TATDN3: variants seen among roughly 807,000 people sequenced by gnomAD.
TATDN3 encodes the protein TatD DNase domain containing 3, also known as deoxyribonuclease TATDN3.
TATDN3 carries 29 observed loss-of-function variants against 40.1 expected under a neutral mutation model. The observed-to-expected ratio is 0.72, with a 90% CI of 0.54 to 0.99. The LOEUF (loss-of-function observed/expected upper bound fraction) is 0.99. Ranked by LOEUF, TATDN3 falls within the 50% of genes least tolerant of loss-of-function variation. The probability of loss-of-function intolerance (pLI) is 0.00; values close to 1 mark genes in which losing one functional copy is unlikely to be tolerated. For missense variants in TATDN3, 309 were observed against 321.9 expected, an observed-to-expected ratio of 0.96 and a Z score of 0.31; for synonymous variants, 105 against 117.0, an observed-to-expected ratio of 0.90 and a Z score of 0.66.
chr1:212,815,398 C>G lies in TATDN3; in HGVS notation c.*242C>G, dbSNP rs1171828424. ...GTTCTGGCAGGATATTGGGAAAATA[C>G]TGCTACTTCTTACATTGCCCTTTTA... is the stretch of plus-strand genomic sequence containing the variant. On this transcript the variant is annotated 3_prime_UTR_variant, in exon 10 of 10. Transcript: ENST00000366974. The G allele has an allele frequency of 2.4e-6, 1 of 415,734 alleles. No homozygotes were observed. Among genetic ancestry groups the G allele is most frequent in the African/African-American group, 2.0e-5 (1 of 49,118 alleles). The allele number at this position is 415,734 out of a possible 1,614,324, so 25.8% of individuals were successfully genotyped here. A position where few individuals can be genotyped will look rare whatever the true frequency, so the allele number is the denominator to read the frequency against.
Position 212,795,083 on chromosome 1 carries a change from TG to T in TATDN3, c.67-11del. 1 of 1,608,814 alleles carries T rather than the reference TG, an allele frequency of 6.2e-7. No individual in the cohort carries two copies. Among genetic ancestry groups the T allele is most frequent in the African/African-American group, 1.3e-5 (1 of 74,924 alleles). ...CATCTAAAATAATGGTGATTTCTTA[TG>T]CTTGTTTTAGGATTTGGATGATGTG... On this transcript the variant is annotated splice_polypyrimidine_tract_variant and intron_variant, in intron 1 of 9. Coordinates refer to ENST00000366974, the MANE Select transcript of TATDN3 (RefSeq NM_001042552.3).
intron 7 of TATDN3, among the ~76,000 whole-genome samples, chr1:212,806,584 C>T (rs1662482712): frequency 6.7e-6 from 1 of 150,120 alleles, no homozygotes. Flanking sequence ...ACCATGTTGC[C>T]CAGGCTGGTC....
intron 8 of TATDN3, among the ~76,000 whole-genome samples, chr1:212,811,618 G>T (rs1662882599): frequency 6.6e-6 from 1 of 151,894 alleles, no homozygotes; most frequent in African/African-American, 2.4e-5. Flanking sequence ...TCGCTCTGTT[G>T]CCCAGTCTGG....
intron 7 of TATDN3, among the ~76,000 whole-genome samples, chr1:212,805,641 T>C (rs1662416621): frequency 1.3e-5 from 2 of 152,190 alleles, no homozygotes; most frequent in Admixed American, 6.5e-5. Context: ...GCAATCACAT[T>C]GCGTCACTGT....
intron 4 of TATDN3, among the ~76,000 whole-genome samples, chr1:212,798,950 T>C (rs1031682716): frequency 2.0e-5 from 3 of 152,224 alleles, no homozygotes; most frequent in African/African-American, 7.2e-5. Context: ...TGAATGCTGA[T>C]TGTTAGATGA....
chr1:212,794,839 G>A (rs1184632039), intron 1 of TATDN3: 1 of 607,304 alleles, frequency 1.6e-6, no homozygotes, highest in Admixed American at 2.1e-5. Context: ...CTGAGGAGTA[G>A]AGTAAGATGA....
chr1:212,806,823 T>C (rs1372200169), intron 7 of TATDN3, among the ~76,000 whole-genome samples: 2 of 99,580 alleles, frequency 2.0e-5, no homozygotes, highest in East Asian at 3.0e-4. Flanking sequence ...TATACACATA[T>C]ATACATATAT....
intron 4 of TATDN3, 47 bp downstream of exon 4, chr1:212,797,243 G>C: frequency 1.4e-6 from 2 of 1,418,224 alleles, no homozygotes; most frequent in Admixed American, 3.4e-5. Context: ...ACAAACGAAA[G>C]AATTATTTGA....
chr1:212,806,608 C>T (rs1032962), intron 7 of TATDN3, among the ~76,000 whole-genome samples: 91,727 of 149,246 alleles, frequency 0.61, 28,496 homozygotes, highest in Non-Finnish European at 0.66. Flanking sequence ...AACTCCTGAG[C>T]TCGCTCAAGA....
chr1:212,796,196 G>A (rs953351469), intron 2 of TATDN3, among the ~76,000 whole-genome samples: 4 of 152,194 alleles, frequency 2.6e-5, no homozygotes, highest in African/African-American at 9.7e-5. Flanking sequence ...CACTGTGGCA[G>A]CTTAATTAGG....
chr1:212,815,137 G>A lies in TATDN3; in HGVS notation c.806G>A (p.Arg269Gln), dbSNP rs147372063. 8.8e-4 allele frequency: 1,422 copies of A among 1,611,680 alleles called. 8 individuals carry two copies. In the Middle Eastern group the frequency reaches 0.011, roughly 12 times the overall value. The change falls in exon 10 of 10, where the codon CGA becomes CAA. Residue 269 changes from arginine (R) to glutamine (Q), a missense_variant. Coordinates refer to ENST00000366974, the MANE Select transcript of TATDN3 (RefSeq NM_001042552.3). ...QNALKLFPKL[R>Q]HLLQK ...GCATTAAAACTGTTTCCTAAGCTCC[G>A]ACACTTGCTCCAGAAATAGCTTCAA... is the stretch of plus-strand genomic sequence containing the variant.
In TATDN3 at chr1:212,800,755, G is replaced by A. The variant is rs1367492561; in HGVS notation, c.259-1946G>A. Among the ~76,000 whole-genome samples, 14 of 151,948 alleles carry A rather than the reference G, an allele frequency of 9.2e-5. No individual in the cohort carries two copies. The South Asian group carries it at 1.2e-3, about 13-fold the overall frequency. On this transcript the variant is annotated intron_variant, in intron 4 of 9. Transcript: ENST00000366974. ...ACAGCATGCATGAGCTTTGAAGTCAGAGGGACCTGGCCTACTGACTTCTGT... is the reference window on the plus strand; with the variant it reads ...ACAGCATGCATGAGCTTTGAAGTCAAAGGGACCTGGCCTACTGACTTCTGT...
intron 1 of TATDN3, chr1:212,794,811 G>A: frequency 1.8e-6 from 1 of 564,498 alleles, no homozygotes; most frequent in Non-Finnish European, 3.4e-6. Flanking sequence ...GTAAGCAAGT[G>A]AGGGATTCCG....
Position 212,792,007 on chromosome 1 carries a change from G to A in TATDN3, c.66+20G>A, listed in dbSNP as rs750477887. 2.5e-5 allele frequency: 41 copies of A among 1,613,080 alleles called. No homozygotes were observed. The highest frequency in any genetic ancestry group is 3.3e-5 in the Admixed American group (2 of 59,928). ...GACCGCGTATGTGAGGGCGATACGG[G>A]ACCAGAGGGAGCAGGGAGGCCCCCG... On this transcript the variant is annotated intron_variant, in intron 1 of 9. Coordinates refer to ENST00000366974, the MANE Select transcript of TATDN3 (RefSeq NM_001042552.3).
At chr1:212,799,661 C>A (rs886636807) in intron 4 of TATDN3, among the ~76,000 whole-genome samples, 23 of 152,036 alleles carry the variant, frequency 1.5e-4, no homozygotes, top group Non-Finnish European at 3.2e-4. Context: ...CCTCAGCCTC[C>A]TGAGTAGCTG....
At chr1:212,799,678 C>T (rs1485201680) in intron 4 of TATDN3, among the ~76,000 whole-genome samples, 1 of 152,032 alleles carries the variant, frequency 6.6e-6, no homozygotes, top group African/African-American at 2.4e-5. Flanking sequence ...GCTGGGATTA[C>T]AGGCATGCAC....
At chr1:212,814,883 C>T in intron 9 of TATDN3, 130 bp from the exon 10 acceptor site, 1 of 1,075,374 alleles carries the variant, frequency 9.3e-7, no homozygotes, top group East Asian at 2.5e-5. Flanking sequence ...TCATCCCCAC[C>T]TAAAAAGAAA....
chr1:212,806,763 TATATATATATATATATATATAC>T lies in TATDN3; in HGVS notation c.488-971_488-950del, dbSNP rs1329947683. Among the ~76,000 whole-genome samples the T allele has an allele frequency of 6.2e-5, 7 of 112,994 alleles. 2 individuals carry two copies. The highest frequency in any genetic ancestry group is 1.2e-4 in the Admixed American group (1 of 8,460). 74.1% of individuals were successfully genotyped at this position (112,994 alleles called of 152,430 possible). A position where few individuals can be genotyped will look rare whatever the true frequency, so the allele number is the denominator to read the frequency against. ...CTCTCTCTCCATATATATATATATA[TATATATATATATATATATATAC>T]ACACACACACACACATATATACACA... On this transcript the variant is annotated intron_variant, in intron 7 of 9. Coordinates refer to ENST00000366974, the MANE Select transcript of TATDN3 (RefSeq NM_001042552.3).
At chr1:212,801,888 C>G (rs1030045585) in intron 4 of TATDN3, among the ~76,000 whole-genome samples, 1 of 152,190 alleles carries the variant, frequency 6.6e-6, no homozygotes, top group African/African-American at 2.4e-5. Context: ...TGTTCTCTCT[C>G]TCTCATAGTT....
Sources: gnomAD v4.1 joint callset for allele counts (sites outside exome capture counted in the v4.1 genomes callset) on GRCh38, gnomAD v4.1.1 for gene constraint, MANE v1.5 for transcripts, NCBI Gene and HGNC (gene_info 2026-07-23, HGNC 2026-07-21) for gene names.